The following SBF2 variants were observed in gnomAD, a reference collection of about 807,000 sequenced individuals.
SBF2 encodes the protein myotubularin-related protein 13.
SBF2 carries 112 observed loss-of-function variants against 225.2 expected under a neutral mutation model. That is an observed-to-expected ratio of 0.50 (90% CI 0.43 to 0.58). The LOEUF (loss-of-function observed/expected upper bound fraction) is 0.58, where lower values mean the gene tolerates loss of function less well. Ranked by LOEUF, SBF2 falls within the 20% of genes least tolerant of loss-of-function variation. The pLI, the probability that SBF2 is intolerant of heterozygous loss-of-function variation, is 0.00. For missense variants in SBF2, 1,996 were observed against 2,206.2 expected (o/e 0.90, Z 1.91); for synonymous variants, 763 against 773.3 (o/e 0.99, Z 0.22).
intron 1 of SBF2, among the ~76,000 whole-genome samples, chr11:10,232,347 G>A (rs1420190104): frequency 6.6e-6 from 1 of 152,174 alleles, no homozygotes; most frequent in African/African-American, 2.4e-5. Context: ...CCAGTGAGAT[G>A]AACGCGGTAC....
At chr11:10,255,402 T>A (rs1057366506) in intron 1 of SBF2, among the ~76,000 whole-genome samples, 1 of 152,132 alleles carries the variant, frequency 6.6e-6, no homozygotes, top group Non-Finnish European at 1.5e-5. Flanking sequence ...GAAAAACAAA[T>A]CTACTGGTTT....
intron 16 of SBF2, among the ~76,000 whole-genome samples, chr11:9,935,271 G>A (rs552913019): frequency 1.3e-4 from 20 of 151,984 alleles, no homozygotes; most frequent in Non-Finnish European, 2.4e-4. Flanking sequence ...CTCTTCAAGA[G>A]GAACTAGAAA....
At chr11:10,248,322 A>G (rs1960006787) in intron 1 of SBF2, among the ~76,000 whole-genome samples, 1 of 152,258 alleles carries the variant, frequency 6.6e-6, no homozygotes, top group Admixed American at 6.5e-5. Flanking sequence ...TCATGAAAGA[A>G]TTGGTGAAAG....
chr11:9,996,899 C>T (rs1169948636), intron 9 of SBF2, among the ~76,000 whole-genome samples: 1 of 152,154 alleles, frequency 6.6e-6, no homozygotes, highest in African/African-American at 2.4e-5. Flanking sequence ...AGGTAAAGAC[C>T]AGGAGACAGC....
chr11:9,972,928 TTATA>T (rs1425513811), intron 13 of SBF2, among the ~76,000 whole-genome samples: 1 of 152,262 alleles, frequency 6.6e-6, no homozygotes, highest in Non-Finnish European at 1.5e-5. Flanking sequence ...ATATCTGTAG[TTATA>T]TAGATATTCT....
chr11:10,063,286 T>C (rs11819811), intron 2 of SBF2, among the ~76,000 whole-genome samples: 1,734 of 151,862 alleles, frequency 0.011, 32 homozygotes, highest in African/African-American at 0.037. Context: ...TTTATCTATG[T>C]AACAAACCTT....
At chr11:10,024,403 G>C (rs1035009425) in intron 6 of SBF2, among the ~76,000 whole-genome samples, 1 of 152,114 alleles carries the variant, frequency 6.6e-6, no homozygotes, top group African/African-American at 2.4e-5. Flanking sequence ...ATGAATAAGA[G>C]GTCTAATTCA....
intron 17 of SBF2, among the ~76,000 whole-genome samples, chr11:9,861,580 C>T (rs987287951): frequency 6.7e-6 from 1 of 149,434 alleles, no homozygotes; most frequent in Non-Finnish European, 1.5e-5. Flanking sequence ...AGGAGAGTTG[C>T]TTGAATCTGG....
chr11:9,921,794 G>T (rs555680359), intron 16 of SBF2, among the ~76,000 whole-genome samples: 3 of 152,250 alleles, frequency 2.0e-5, no homozygotes, highest in Admixed American at 1.3e-4. Context: ...TCTTACAATT[G>T]GAGTTATTCT....
intron 2 of SBF2, among the ~76,000 whole-genome samples, chr11:10,169,426 A>G (rs1029249727): frequency 2.6e-5 from 4 of 152,180 alleles, no homozygotes; most frequent in Non-Finnish European, 5.9e-5. Flanking sequence ...CAAATAAGTG[A>G]GAATGTGCAA....
intron 2 of SBF2, among the ~76,000 whole-genome samples, chr11:10,066,821 G>C (rs1221936900): frequency 6.6e-6 from 1 of 152,128 alleles, no homozygotes; most frequent in Non-Finnish European, 1.5e-5. Context: ...AATCTACAGA[G>C]AAAAATCTAC....
chr11:9,895,462 T>A (rs950375366), intron 17 of SBF2, among the ~76,000 whole-genome samples: 3 of 152,162 alleles, frequency 2.0e-5, no homozygotes, highest in African/African-American at 7.2e-5. Context: ...GACAGAATTT[T>A]AAAAAATCAC....
chr11:9,824,517 C>A (rs184320611), intron 28 of SBF2, among the ~76,000 whole-genome samples: 200 of 149,736 alleles, frequency 1.3e-3, no homozygotes, highest in Middle Eastern at 6.9e-3. Context: ...AGATCAAGAT[C>A]GCTCCACTGC....
chr11:10,280,922 G>C (rs796476413), intron 1 of SBF2, among the ~76,000 whole-genome samples: 1 of 152,048 alleles, frequency 6.6e-6, no homozygotes, highest in Non-Finnish European at 1.5e-5. Context: ...GTTAACTTTC[G>C]GCCCTAAAGT....
rs756876385 is a variant in SBF2, at chr11:9,968,455, T to C, written c.1486A>G (p.Ile496Val). ...LRVHILPFPE[I>V]NEARVQELIQ... is the part of the protein sequence containing the mutation. ...AATTCCTGAACCCGGGCTTCATTAATCTCTGGGAAAGGAAGAATATGAACT... is the reference window on the plus strand; with the variant it reads ...AATTCCTGAACCCGGGCTTCATTAACCTCTGGGAAAGGAAGAATATGAACT... Residue 496 changes from isoleucine to valine, a missense_variant, in exon 14 of 40, where the codon ATT (isoleucine) becomes GTT (valine). By Grantham distance (29) the Ile-to-Val change is conservative (BLOSUM62 3). Transcript: ENST00000256190. 2.5e-6 allele frequency: 4 copies of C among 1,614,048 alleles called. No homozygotes were observed. Among genetic ancestry groups the C allele is most frequent in the Non-Finnish European group, 3.4e-6 (4 of 1,179,954 alleles).
chr11:9,842,005 G>A (rs2133959803), intron 25 of SBF2, among the ~76,000 whole-genome samples: 1 of 152,288 alleles, frequency 6.6e-6, no homozygotes, highest in South Asian at 2.1e-4. Flanking sequence ...ATGGCATTCT[G>A]CCTCCCATTA....
intron 32 of SBF2, among the ~76,000 whole-genome samples, chr11:9,805,393 C>T (rs570987256): frequency 1.1e-4 from 16 of 152,136 alleles, no homozygotes; most frequent in East Asian, 7.7e-4. Context: ...TAGTCGTCCA[C>T]GGTATGGATG....
At chr11:10,049,120 A>G (rs916105937) in intron 2 of SBF2, among the ~76,000 whole-genome samples, 5 of 152,230 alleles carry the variant, frequency 3.3e-5, no homozygotes. Context: ...TGAATGCAAA[A>G]GCAGGTATGA....
chr11:9,965,124 A>G (rs1198398806), intron 14 of SBF2, among the ~76,000 whole-genome samples: 3 of 152,136 alleles, frequency 2.0e-5, no homozygotes, highest in South Asian at 2.1e-4. Flanking sequence ...AATAGTATCA[A>G]TGGTTCTCAA....
Sources: allele counts gnomAD v4.1 joint callset (sites outside exome capture counted in the v4.1 genomes callset), GRCh38; gene constraint gnomAD v4.1.1; transcripts MANE v1.5; gene names NCBI Gene and HGNC (gene_info 2026-07-23, HGNC 2026-07-21).